NKAIN2: variants seen among roughly 807,000 people sequenced by gnomAD.
The protein encoded by NKAIN2 is sodium/potassium transporting ATPase interacting 2, also known as sodium/potassium-transporting ATPase subunit beta-1-interacting protein 2.
NKAIN2 carries 14 observed loss-of-function variants against 32.6 expected under a neutral mutation model. That is an observed-to-expected ratio of 0.43 (90% CI 0.28 to 0.67). The LOEUF (loss-of-function observed/expected upper bound fraction) is 0.67, where lower values mean the gene tolerates loss of function less well. Ranked by LOEUF, NKAIN2 falls within the 30% of genes least tolerant of loss-of-function variation. NKAIN2 has a pLI of 0.17. For missense variants in NKAIN2, 198 were observed against 258.3 expected, an observed-to-expected ratio of 0.77 and a Z score of 1.60; for synonymous variants, 80 against 87.2, an observed-to-expected ratio of 0.92 and a Z score of 0.46.
chr6:124,713,067 AAATAAT>A (rs760505309), intron 4 of NKAIN2, among the ~76,000 whole-genome samples: 1 of 152,038 alleles, frequency 6.6e-6, no homozygotes, highest in Admixed American at 6.6e-5. Context: ...TAAACATTTA[AAATAAT>A]AATAATAATA....
intron 1 of NKAIN2, among the ~76,000 whole-genome samples, chr6:123,806,385 A>G (rs571180901): frequency 5.9e-5 from 9 of 152,086 alleles, no homozygotes; most frequent in Non-Finnish European, 1.2e-4. Context: ...AAAACAAAGG[A>G]CAAAGAAAAT....
chr6:124,604,431 G>A (rs967557674), intron 3 of NKAIN2, among the ~76,000 whole-genome samples: 1 of 151,576 alleles, frequency 6.6e-6, no homozygotes, highest in African/African-American at 2.4e-5. Context: ...CATTTTCAGG[G>A]TTTTAAAAAT....
At chr6:124,033,146 T>G (rs893401659) in intron 1 of NKAIN2, among the ~76,000 whole-genome samples, 1 of 152,000 alleles carries the variant, frequency 6.6e-6, no homozygotes, top group Admixed American at 6.6e-5. Context: ...ATATAAAAAG[T>G]TTAAAAAAAT....
chr6:123,831,327 T>C (rs978818839), intron 1 of NKAIN2, among the ~76,000 whole-genome samples: 1 of 151,766 alleles, frequency 6.6e-6, no homozygotes, highest in Non-Finnish European at 1.5e-5. Flanking sequence ...GAAAATAGTA[T>C]GTATGCATAT....
At chr6:124,186,568 G>A (rs975946507) in intron 1 of NKAIN2, among the ~76,000 whole-genome samples, 1 of 152,138 alleles carries the variant, frequency 6.6e-6, no homozygotes, top group South Asian at 2.1e-4. Flanking sequence ...AACTATGCAG[G>A]TTTATGACAG....
chr6:124,360,450 G>A (rs1184623432), intron 3 of NKAIN2, among the ~76,000 whole-genome samples: 1 of 152,004 alleles, frequency 6.6e-6, no homozygotes, highest in African/African-American at 2.4e-5. Context: ...TCAATAATAT[G>A]ATACACAGGA....
chr6:123,998,741 CTCTGTGTGTGTG>C lies in NKAIN2; in HGVS notation c.54+194489_54+194500del, dbSNP rs1426880698. 2.3e-5 allele frequency among the ~76,000 whole-genome samples: 3 copies of C among 132,674 alleles called. No homozygotes were observed. In the East Asian group the frequency reaches 6.6e-4, roughly 29 times the overall value. The allele number at this position is 132,674 out of a possible 152,430, so 87.0% of individuals were successfully genotyped here. A position where few individuals can be genotyped will look rare whatever the true frequency, so the allele number is the denominator to read the frequency against. On this transcript the variant is annotated intron_variant, in intron 1 of 6. Transcript: ENST00000368417. ...AAGAAATTGTTGTTTCTCTCTCTCT[CTCTGTGTGTGTG>C]TGTGTGTGTGTGTGTGTGTGTGTGG...
chr6:124,318,538 T>C (rs1486987629), intron 2 of NKAIN2, among the ~76,000 whole-genome samples: 1 of 152,066 alleles, frequency 6.6e-6, no homozygotes, highest in Non-Finnish European at 1.5e-5. Flanking sequence ...CTTTATTATG[T>C]ATCCCTCTTC....
chr6:124,125,534 CAG>C (rs1234448502), intron 1 of NKAIN2, among the ~76,000 whole-genome samples: 1 of 152,132 alleles, frequency 6.6e-6, no homozygotes, highest in East Asian at 1.9e-4. Flanking sequence ...GATTCCCCTC[CAG>C]AGCCATCCTT....
chr6:123,901,192 T>C (rs2114415760), intron 1 of NKAIN2, among the ~76,000 whole-genome samples: 1 of 152,290 alleles, frequency 6.6e-6, no homozygotes, highest in East Asian at 1.9e-4. Context: ...TATTTGTTTG[T>C]TCTTTGTTTT....
At chr6:123,851,660 TGTTA>T (rs1048586022) in intron 1 of NKAIN2, among the ~76,000 whole-genome samples, 1 of 152,162 alleles carries the variant, frequency 6.6e-6, no homozygotes, top group African/African-American at 2.4e-5. Context: ...CACCAAGACT[TGTTA>T]GTTTCATCTT....
intron 3 of NKAIN2, among the ~76,000 whole-genome samples, chr6:124,629,268 G>C (rs927459552): frequency 6.6e-6 from 1 of 152,096 alleles, no homozygotes; most frequent in African/African-American, 2.4e-5. Context: ...AAGTGAACCA[G>C]GACAGTCCTT....
intron 4 of NKAIN2, among the ~76,000 whole-genome samples, chr6:124,699,794 C>A (rs1396550008): frequency 1.3e-5 from 2 of 152,056 alleles, no homozygotes; most frequent in Non-Finnish European, 2.9e-5. Context: ...TATAAATTAC[C>A]CAGTTTCAGG....
At chr6:124,323,368 G>A (rs1241874399) in intron 2 of NKAIN2, among the ~76,000 whole-genome samples, 1 of 152,104 alleles carries the variant, frequency 6.6e-6, no homozygotes, top group African/African-American at 2.4e-5. Context: ...CAAACATTCT[G>A]TCCTACAAAA....
intron 3 of NKAIN2, among the ~76,000 whole-genome samples, chr6:124,418,549 TTATATATATAAAA>T (rs71701658): frequency 0.033 from 4,855 of 147,670 alleles, 255 homozygotes; most frequent in African/African-American, 0.11. Flanking sequence ...GGATTATATA[TTATATATATAAAA>T]TATATATATA....
chr6:124,519,785 T>TA (rs1412856996), intron 3 of NKAIN2, among the ~76,000 whole-genome samples: 19 of 152,304 alleles, frequency 1.2e-4, no homozygotes, highest in East Asian at 1.9e-4. Flanking sequence ...TTTTAAAAAA[T>TA]AAAAAACATG....
intron 1 of NKAIN2, among the ~76,000 whole-genome samples, chr6:123,936,402 C>A (rs1776512106): frequency 6.6e-6 from 1 of 151,720 alleles, no homozygotes; most frequent in African/African-American, 2.4e-5. Flanking sequence ...AGATGTGGGA[C>A]AAAATGCATA....
chr6:124,595,091 C>T (rs1361178682), intron 3 of NKAIN2, among the ~76,000 whole-genome samples: 1 of 152,142 alleles, frequency 6.6e-6, no homozygotes, highest in African/African-American at 2.4e-5. Flanking sequence ...CTGTCTAGGT[C>T]TATGTAAGAA....
chr6:124,421,833 G>T (rs1774765654), intron 3 of NKAIN2, among the ~76,000 whole-genome samples: 1 of 152,144 alleles, frequency 6.6e-6, no homozygotes, highest in African/African-American at 2.4e-5. Context: ...GCAGGGAAGG[G>T]TTCTTTCTCG....
Sources: allele counts gnomAD v4.1 joint callset (sites outside exome capture counted in the v4.1 genomes callset), GRCh38; gene constraint gnomAD v4.1.1; transcripts MANE v1.5; gene names NCBI Gene and HGNC (gene_info 2026-07-23, HGNC 2026-07-21).